The following VAV3 variants were observed in gnomAD, a reference collection of about 807,000 sequenced individuals.
The protein encoded by VAV3 is vav guanine nucleotide exchange factor 3.
VAV3 carries 94 observed loss-of-function variants against 131.2 expected under a neutral mutation model. That is an observed-to-expected ratio of 0.72 (90% confidence interval 0.61 to 0.85). The LOEUF (loss-of-function observed/expected upper bound fraction) is 0.85, where lower values mean the gene tolerates loss of function less well. Ranked by LOEUF, VAV3 falls within the 40% of genes least tolerant of loss-of-function variation. The pLI is 0.00. For synonymous variants in VAV3, 349 were observed against 342.0 expected (o/e 1.02, Z -0.22); for missense variants, 939 against 1,002.7 (o/e 0.94, Z 0.86).
intron 2 of VAV3, among the ~76,000 whole-genome samples, chr1:107,800,281 A>C (rs905559744): frequency 6.6e-6 from 1 of 151,922 alleles, no homozygotes; most frequent in East Asian, 1.9e-4. Flanking sequence ...ACAGTTTTCT[A>C]TATTAGTTTT....
chr1:107,886,497 T>A (rs1671044878), intron 1 of VAV3, among the ~76,000 whole-genome samples: 1 of 152,238 alleles, frequency 6.6e-6, no homozygotes, highest in Non-Finnish European at 1.5e-5. Context: ...CCTGGCAGGA[T>A]GTCATTCCTC....
At chr1:107,698,754 C>A (rs1001365636) in intron 17 of VAV3, among the ~76,000 whole-genome samples, 2 of 152,116 alleles carry the variant, frequency 1.3e-5, no homozygotes, top group African/African-American at 2.4e-5. Flanking sequence ...CCCAGTTTAA[C>A]ATGGATGGGG....
At chr1:107,766,866 G>A (rs759315731) in intron 7 of VAV3, among the ~76,000 whole-genome samples, 6 of 152,078 alleles carry the variant, frequency 3.9e-5, no homozygotes, top group Non-Finnish European at 8.8e-5. Flanking sequence ...AGGCCATGCA[G>A]ATGGGAAACA....
intron 2 of VAV3, among the ~76,000 whole-genome samples, chr1:107,826,738 T>C (rs1407559112): frequency 1.3e-5 from 2 of 152,154 alleles, no homozygotes; most frequent in African/African-American, 2.4e-5. Context: ...TTACAGAGGC[T>C]ACGAAGGTGA....
chr1:107,655,186 A>AAAGCTGGAGATATCACACTACCTGACC (rs1656451938), intron 19 of VAV3, among the ~76,000 whole-genome samples: 1 of 151,896 alleles, frequency 6.6e-6, no homozygotes, highest in East Asian at 1.9e-4. Flanking sequence ...GACAAATGGA[A>AAAGCTGGAGATATCACACTACCTGACC]TAAAGCTGGA....
Position 107,964,870 on chromosome 1 carries a change from G to T in VAV3, c.-1C>A. ...GCGCGCACTGCTTCCACGGCTCCAT[G>T]CCCGACGGCTCCGGGACGCGGCTGG... On this transcript the variant is annotated 5_prime_UTR_variant, in exon 1 of 27. Coordinates refer to ENST00000370056, the MANE Select transcript of VAV3 (RefSeq NM_006113.5). 6.4e-7 allele frequency: 1 copy of T among 1,562,012 alleles called. No homozygotes were observed. Among genetic ancestry groups the T allele is most frequent in the Non-Finnish European group, 8.7e-7 (1 of 1,151,668 alleles).
chr1:107,870,004 C>T (rs1305118571), intron 2 of VAV3, among the ~76,000 whole-genome samples: 3 of 152,084 alleles, frequency 2.0e-5, no homozygotes, highest in East Asian at 1.9e-4. Context: ...AGTAGTATTC[C>T]GTCATATATA....
At chr1:107,869,638 T>C (rs1670163794) in intron 2 of VAV3, among the ~76,000 whole-genome samples, 1 of 152,134 alleles carries the variant, frequency 6.6e-6, no homozygotes, top group Non-Finnish European at 1.5e-5. Flanking sequence ...AAACCATGTA[T>C]TGTTTTGTTT....
intron 2 of VAV3, among the ~76,000 whole-genome samples, chr1:107,856,915 T>G (rs1211576943): frequency 6.6e-6 from 1 of 152,150 alleles, no homozygotes; most frequent in Non-Finnish European, 1.5e-5. Flanking sequence ...TGTGTGTGCC[T>G]ATAGTCCTAG....
At chr1:107,704,263 T>G (rs939750156) in intron 17 of VAV3, among the ~76,000 whole-genome samples, 1 of 152,192 alleles carries the variant, frequency 6.6e-6, no homozygotes. Flanking sequence ...GTCATTTATT[T>G]AGGGCTTTTA....
chr1:107,631,128 T>C (rs537319745), intron 20 of VAV3, among the ~76,000 whole-genome samples: 6 of 152,252 alleles, frequency 3.9e-5, no homozygotes, highest in African/African-American at 1.4e-4. Flanking sequence ...TTGGTAACTA[T>C]CAAAGCCAAA....
intron 20 of VAV3, among the ~76,000 whole-genome samples, chr1:107,634,224 C>T (rs1039645377): frequency 6.6e-6 from 1 of 152,122 alleles, no homozygotes; most frequent in Non-Finnish European, 1.5e-5. Flanking sequence ...TCAAACTATA[C>T]TACAAGGCTA....
At chr1:107,867,840 T>G (rs1328423317) in intron 2 of VAV3, among the ~76,000 whole-genome samples, 9 of 152,016 alleles carry the variant, frequency 5.9e-5, no homozygotes, top group Non-Finnish European at 4.4e-5. Context: ...AGACTGGAAG[T>G]TGGTACCCTG....
In VAV3 at chr1:107,964,476, C is replaced by T. The variant is rs577499280; in HGVS notation, c.204+190G>A. 3.5e-5 allele frequency: 20 copies of T among 572,686 alleles called. No homozygotes were observed. The South Asian group carries it at 4.7e-4, about 13-fold the overall frequency. 35.5% of individuals were successfully genotyped at this position (572,686 alleles called of 1,614,324 possible). A position where few individuals can be genotyped will look rare whatever the true frequency, so the allele number is the denominator to read the frequency against. On this transcript the variant is annotated intron_variant, in intron 1 of 26. Transcript: ENST00000370056. The stretch of plus-strand genomic sequence containing the variant: ...CCGGACGCAAAGCTTTCGCATTCAG[C>T]TTGAGGAGCTAAACCATTTCAAGCC...
chr1:107,738,121 C>T (rs562081682), intron 15 of VAV3, among the ~76,000 whole-genome samples: 311 of 152,246 alleles, frequency 2.0e-3, no homozygotes, highest in African/African-American at 6.9e-3. Context: ...CACCAAACAC[C>T]GCATGTTCTC....
At chr1:107,640,362 C>A (rs1394415457) in intron 20 of VAV3, among the ~76,000 whole-genome samples, 1 of 151,994 alleles carries the variant, frequency 6.6e-6, no homozygotes, top group Non-Finnish European at 1.5e-5. Context: ...ATAAGCCATA[C>A]AAAAAACAAT....
chr1:107,938,430 T>C (rs986628829), intron 1 of VAV3, among the ~76,000 whole-genome samples: 1 of 152,102 alleles, frequency 6.6e-6, no homozygotes, highest in Non-Finnish European at 1.5e-5. Flanking sequence ...TTTGGGGGGC[T>C]AGGGAATAGG....
rs868835349 is a variant in VAV3 at position 107,915,768 on chromosome 1, T to C, written c.205-40751A>G. 4.6e-5 allele frequency among the ~76,000 whole-genome samples: 7 copies of C among 152,310 alleles called. No individual in the cohort carries two copies. In the South Asian group the frequency reaches 1.0e-3, roughly 23 times the overall value. On this transcript the variant is annotated intron_variant, in intron 1 of 26. Coordinates refer to ENST00000370056, the MANE Select transcript of VAV3 (RefSeq NM_006113.5). ...ATCCAGTAAGTCTTTGATTAGTGAA[T>C]GAATGTCAAATTTACTGCAATGCAT...
chr1:107,798,738 AAAAAAAG>A (rs1666682589), intron 2 of VAV3, among the ~76,000 whole-genome samples: 2 of 150,802 alleles, frequency 1.3e-5, no homozygotes, highest in African/African-American at 4.9e-5. Flanking sequence ...AAAAAAAAAA[AAAAAAAG>A]AAGAACATGC....
Sources: allele counts gnomAD v4.1 joint callset (sites outside exome capture counted in the v4.1 genomes callset), GRCh38; gene constraint gnomAD v4.1.1; transcripts MANE v1.5; gene names NCBI Gene and HGNC (gene_info 2026-07-23, HGNC 2026-07-21).